The following NIBAN1 variants were observed in gnomAD, a reference collection of about 807,000 sequenced individuals.
The protein encoded by NIBAN1 is protein Niban 1.
In NIBAN1, 81 loss-of-function variants were observed where a neutral mutation model predicts 75.1. That is an observed-to-expected ratio of 1.08 (90% CI 0.90 to 1.30). The LOEUF is 1.30. Among genes scored for constraint, NIBAN1 ranks in the 50% most tolerant of loss-of-function variants. The pLI is 0.00. For synonymous variants in NIBAN1, 436 were observed against 424.8 expected, an observed-to-expected ratio of 1.03 and a Z score of -0.32; for missense variants, 1,133 against 1,128.1, an observed-to-expected ratio of 1.00 and a Z score of -0.06.
At chr1:184,929,329 A>G (rs919441843) in intron 1 of NIBAN1, among the ~76,000 whole-genome samples, 18 of 152,236 alleles carry the variant, frequency 1.2e-4, no homozygotes, top group African/African-American at 4.3e-4. Context: ...CACAATCATG[A>G]AATAAAATAT....
At chr1:184,823,553 C>T (rs1654761200) in intron 7 of NIBAN1, 85 bp downstream of exon 7, 10 of 1,463,822 alleles carry the variant, frequency 6.8e-6, no homozygotes, top group Non-Finnish European at 9.5e-6. Context: ...GGAATATCAA[C>T]AACAACAACA....
intron 3 of NIBAN1, among the ~76,000 whole-genome samples, chr1:184,891,093 C>T (rs1656655784): frequency 6.6e-6 from 1 of 152,198 alleles, no homozygotes; most frequent in East Asian, 1.9e-4. Flanking sequence ...ATCAGAGTAA[C>T]GATAACACGT....
chr1:184,870,607 C>T (rs1656081649), intron 5 of NIBAN1, among the ~76,000 whole-genome samples: 2 of 152,116 alleles, frequency 1.3e-5, no homozygotes, highest in South Asian at 2.1e-4. Context: ...AAATGTGCAG[C>T]CTCAGAACCT....
At chr1:184,808,851 C>T (rs929852475) in intron 9 of NIBAN1, among the ~76,000 whole-genome samples, 1 of 152,196 alleles carries the variant, frequency 6.6e-6, no homozygotes, top group Non-Finnish European at 1.5e-5. Context: ...CTCTAGTTTG[C>T]ACTCAGTCAA....
chr1:184,932,518 G>A (rs971489728), intron 1 of NIBAN1, among the ~76,000 whole-genome samples: 3 of 152,166 alleles, frequency 2.0e-5, no homozygotes, highest in Non-Finnish European at 4.4e-5. Flanking sequence ...GGTAATGCAA[G>A]TAATGGGGAG....
At chr1:184,961,777 A>G (rs1385417238) in intron 1 of NIBAN1, among the ~76,000 whole-genome samples, 3 of 152,242 alleles carry the variant, frequency 2.0e-5, no homozygotes, top group Non-Finnish European at 4.4e-5. Context: ...GATGTAAGGG[A>G]AAGTCTGCTA....
intron 5 of NIBAN1, among the ~76,000 whole-genome samples, chr1:184,844,299 A>G (rs932028785): frequency 8.5e-5 from 13 of 152,216 alleles, no homozygotes; most frequent in African/African-American, 3.1e-4. Context: ...GAGAGAACAA[A>G]TCACTGGCAT....
chr1:184,809,798 G>A (rs1297464065), intron 9 of NIBAN1, among the ~76,000 whole-genome samples: 1 of 152,032 alleles, frequency 6.6e-6, no homozygotes, highest in Non-Finnish European at 1.5e-5. Context: ...ACATCATGCA[G>A]CCATTACAAA....
At chr1:184,918,287 T>G (rs1657445510) in intron 1 of NIBAN1, among the ~76,000 whole-genome samples, 1 of 152,166 alleles carries the variant, frequency 6.6e-6, no homozygotes, top group Admixed American at 6.5e-5. Context: ...CCCTCGTCTC[T>G]TACAAAAATA....
At chr1:184,933,972 C>T (rs1043514266) in intron 1 of NIBAN1, among the ~76,000 whole-genome samples, 9 of 152,070 alleles carry the variant, frequency 5.9e-5, no homozygotes, top group African/African-American at 2.2e-4. Flanking sequence ...CGAACCTTTA[C>T]TGGAAGTTGG....
rs1655884438 is a variant in NIBAN1, at chr1:184,864,023, A to G, written c.601+20610T>C. Among the ~76,000 whole-genome samples the G allele has an allele frequency of 2.0e-5, 3 of 152,204 alleles. 1 individual carries two copies. The South Asian group carries it at 6.2e-4, about 32-fold the overall frequency. ...GTTACTTTCTAAAATCCCTCTTCAA[A>G]TGTAGCAGGAGAAACTGAATATATA... On this transcript the variant is annotated intron_variant, in intron 5 of 13. Transcript: ENST00000367511.
At chr1:184,798,807 C>T (rs144725977) in intron 12 of NIBAN1, among the ~76,000 whole-genome samples, 1 of 151,826 alleles carries the variant, frequency 6.6e-6, no homozygotes, top group African/African-American at 2.4e-5. Flanking sequence ...TGATTTTATA[C>T]CTATCATGAT....
intron 1 of NIBAN1, among the ~76,000 whole-genome samples, chr1:184,951,860 C>T (rs746733549): frequency 2.5e-4 from 38 of 152,208 alleles, no homozygotes; most frequent in Non-Finnish European, 5.9e-5. Context: ...ACCTTGCTGC[C>T]CTGTCTCTGC....
At chr1:184,833,897 T>C (rs1440157316) in intron 5 of NIBAN1, among the ~76,000 whole-genome samples, 4 of 151,814 alleles carry the variant, frequency 2.6e-5, no homozygotes, top group Admixed American at 1.3e-4. Context: ...CTAGGGTACA[T>C]GTGCACAATG....
intron 9 of NIBAN1, among the ~76,000 whole-genome samples, chr1:184,818,077 C>T (rs888614638): frequency 3.3e-5 from 5 of 151,976 alleles, no homozygotes; most frequent in South Asian, 2.1e-4. Context: ...AGGGGCTGCC[C>T]GATTCACAAA....
intron 1 of NIBAN1, among the ~76,000 whole-genome samples, chr1:184,943,270 C>A (rs1658140297): frequency 1.3e-5 from 2 of 152,042 alleles, no homozygotes; most frequent in African/African-American, 2.4e-5. Context: ...CATTGGCCAA[C>A]AAATGGAAAA....
At chr1:184,835,998 A>G (rs1239889450) in intron 5 of NIBAN1, among the ~76,000 whole-genome samples, 1 of 152,102 alleles carries the variant, frequency 6.6e-6, no homozygotes, top group African/African-American at 2.4e-5. Context: ...AATAGCTCTT[A>G]TTATTTTGAG....
chr1:184,892,734 TAGTCCTCAC>T (rs1023457337), intron 3 of NIBAN1, among the ~76,000 whole-genome samples: 1 of 152,156 alleles, frequency 6.6e-6, no homozygotes, highest in Non-Finnish European at 1.5e-5. Flanking sequence ...GCATCAGGTG[TAGTCCTCAC>T]AGTGCTCTGT....
At chr1:184,898,131 C>T (rs1656852636) in intron 2 of NIBAN1, among the ~76,000 whole-genome samples, 1 of 152,178 alleles carries the variant, frequency 6.6e-6, no homozygotes, top group Non-Finnish European at 1.5e-5. Flanking sequence ...GTCATTGTTC[C>T]TCCCTCCTCC....
Sources: gnomAD v4.1 joint callset for allele counts (sites outside exome capture counted in the v4.1 genomes callset) on GRCh38, gnomAD v4.1.1 for gene constraint, MANE v1.5 for transcripts, NCBI Gene and HGNC (gene_info 2026-07-23, HGNC 2026-07-21) for gene names.